ESYT2: variants seen among roughly 807,000 people sequenced by gnomAD.
ESYT2 encodes extended synaptotagmin-2.
Under a neutral mutation model 107.2 loss-of-function variants are expected in ESYT2, and 54 were observed. The ratio of observed to expected loss-of-function variants is 0.50; its 90% CI spans 0.40 to 0.63. The LOEUF is 0.63. ESYT2 is among the 30% of genes least tolerant of loss of function. The probability of loss-of-function intolerance (pLI) is 0.00; values close to 1 mark genes in which losing one functional copy is unlikely to be tolerated. For synonymous variants in ESYT2, 491 were observed against 434.1 expected (o/e 1.13, Z -1.63); for missense variants, 1,020 against 1,094.5 (o/e 0.93, Z 0.96).
intron 11 of ESYT2, among the ~76,000 whole-genome samples, chr7:158,760,535 G>A (rs1293199032): frequency 6.6e-6 from 1 of 152,162 alleles, no homozygotes; most frequent in African/African-American, 2.4e-5. Context: ...GGGTCTTGCT[G>A]TGTTGCCCAG....
chr7:158,751,815 C>T (rs1837595239), intron 14 of ESYT2, among the ~76,000 whole-genome samples: 1 of 152,144 alleles, frequency 6.6e-6, no homozygotes, highest in African/African-American at 2.4e-5. Flanking sequence ...GGGCCTTCAG[C>T]CTTAACGTTA....
chr7:158,769,724 CT>C (rs1838288728), intron 7 of ESYT2, among the ~76,000 whole-genome samples: 2 of 152,140 alleles, frequency 1.3e-5, no homozygotes, highest in South Asian at 4.1e-4. Context: ...CTTAGAGCCG[CT>C]TATTAAAACA....
At chr7:158,757,218 G>A (rs926342799) in intron 13 of ESYT2, among the ~76,000 whole-genome samples, 18 of 152,126 alleles carry the variant, frequency 1.2e-4, no homozygotes, top group African/African-American at 4.3e-4. Context: ...AATCATGCAA[G>A]AAAATAAAAG....
intron 1 of ESYT2, among the ~76,000 whole-genome samples, chr7:158,827,827 A>T (rs1840500798): frequency 6.6e-6 from 1 of 152,192 alleles, no homozygotes; most frequent in Admixed American, 6.5e-5. Context: ...CCCAAAGTTT[A>T]TATTAAGCCT....
chr7:158,748,053 G>A (rs539934599), intron 16 of ESYT2, 141 bp downstream of exon 16: 76 of 700,072 alleles, frequency 1.1e-4, no homozygotes, highest in African/African-American at 6.6e-4. Flanking sequence ...GGGGAGGCCC[G>A]GGTTACAGAG....
At chr7:158,826,878 T>C (rs1840466704) in intron 1 of ESYT2, among the ~76,000 whole-genome samples, 1 of 150,764 alleles carries the variant, frequency 6.6e-6, no homozygotes, top group Non-Finnish European at 1.5e-5. Flanking sequence ...CTGTACAGTC[T>C]GTGTGGCCGG....
At chr7:158,754,402 G>A (rs1272491456) in intron 13 of ESYT2, among the ~76,000 whole-genome samples, 3 of 151,772 alleles carry the variant, frequency 2.0e-5, no homozygotes, top group Non-Finnish European at 4.4e-5. Context: ...TACTAGAGAT[G>A]GCGTTTCACC....
At chr7:158,760,808 T>G (rs1011823292) in intron 11 of ESYT2, among the ~76,000 whole-genome samples, 3 of 152,148 alleles carry the variant, frequency 2.0e-5, no homozygotes, top group African/African-American at 7.2e-5. Flanking sequence ...AAATGCTAAA[T>G]GATAGAAGCC....
chr7:158,788,409 C>G lies in ESYT2; in HGVS notation c.593G>C (p.Gly198Ala). The G allele has an allele frequency of 6.2e-7, 1 of 1,611,214 alleles. No individual in the cohort carries two copies. Among genetic ancestry groups the G allele is most frequent in the Non-Finnish European group, 8.5e-7 (1 of 1,179,018 alleles). The change falls in exon 5 of 23, where the codon GGA becomes GCA. Residue 198 changes from glycine to alanine, a missense_variant. By Grantham distance (60) the Gly-to-Ala change is moderately conservative. Coordinates refer to ENST00000275418, the MANE Select transcript of ESYT2 (RefSeq NM_001367773.1). ...IILDLQISFV[G>A]NCEIDLEIKR... ...GATCTCCAAATCAATCTCACAATTTCCTACAAAACTAACAAAAAATTCTGC... is the reference window on the plus strand; with the variant it reads ...GATCTCCAAATCAATCTCACAATTTGCTACAAAACTAACAAAAAATTCTGC...
At chr7:158,737,896 CATT>C (rs1837024581) in intron 19 of ESYT2, among the ~76,000 whole-genome samples, 1 of 152,176 alleles carries the variant, frequency 6.6e-6, no homozygotes, top group South Asian at 2.1e-4. Flanking sequence ...CCCACAGTAT[CATT>C]GTTAACAAAT....
chr7:158,824,271 T>C (rs1447627427), intron 1 of ESYT2, among the ~76,000 whole-genome samples: 1 of 152,168 alleles, frequency 6.6e-6, no homozygotes, highest in Non-Finnish European at 1.5e-5. Flanking sequence ...CAACACTTCC[T>C]CAACCACATG....
chr7:158,791,047 C>T (rs1839273305), intron 4 of ESYT2, among the ~76,000 whole-genome samples: 2 of 152,152 alleles, frequency 1.3e-5, no homozygotes, highest in Non-Finnish European at 2.9e-5. Flanking sequence ...CATCCGTCTC[C>T]GGACCATTTT....
At chr7:158,824,016 G>A (rs1840366980) in intron 1 of ESYT2, among the ~76,000 whole-genome samples, 3 of 152,062 alleles carry the variant, frequency 2.0e-5, no homozygotes, top group Admixed American at 2.0e-4. Flanking sequence ...ACAACATACA[G>A]GCTGATGGAT....
intron 1 of ESYT2, 101 bp from the exon 2 acceptor site, chr7:158,799,173 C>A: frequency 9.7e-7 from 1 of 1,035,634 alleles, no homozygotes; most frequent in South Asian, 1.4e-5. Flanking sequence ...CCTATGTTTA[C>A]AAGATGCTTC....
intron 16 of ESYT2, 131 bp from the exon 17 acceptor site, chr7:158,743,809 G>A: frequency 1.9e-6 from 2 of 1,054,132 alleles, no homozygotes; most frequent in Non-Finnish European, 2.6e-6. Context: ...GGCCAGGTGG[G>A]GTGGCTCACG....
At chr7:158,782,264 AGT>A (rs1242461719) in intron 6 of ESYT2, among the ~76,000 whole-genome samples, 18 of 146,046 alleles carry the variant, frequency 1.2e-4, no homozygotes, top group African/African-American at 3.3e-4. Flanking sequence ...AACAAGTATG[AGT>A]GTGAGAACAA....
intron 13 of ESYT2, 123 bp from the exon 14 acceptor site, chr7:158,752,966 C>T (rs183994686): frequency 1.0e-3 from 523 of 515,314 alleles, no homozygotes; most frequent in Non-Finnish European, 1.4e-3. Flanking sequence ...ACAAAACCAC[C>T]AGAATTACAC....
chr7:158,812,259 G>T (rs906221727), intron 1 of ESYT2, among the ~76,000 whole-genome samples: 10 of 152,206 alleles, frequency 6.6e-5, no homozygotes, highest in Non-Finnish European at 1.0e-4. Context: ...CGCCGAGACT[G>T]CTAAGTTCTG....
In ESYT2 at chr7:158,748,991, C is replaced by A. The variant is rs985270034; in HGVS notation, c.1557+658G>T. 2.6e-5 allele frequency among the ~76,000 whole-genome samples: 4 copies of A among 152,236 alleles called. No individual in the cohort carries two copies. The South Asian group carries it at 6.2e-4, about 24-fold the overall frequency. ...AACTGTATTGGTTGAATTTTAAGCACTGTTGGTTTTCTTTTAAACTATTTA... is the reference window on the plus strand; with the variant it reads ...AACTGTATTGGTTGAATTTTAAGCAATGTTGGTTTTCTTTTAAACTATTTA... On this transcript the variant is annotated intron_variant, in intron 15 of 22. Coordinates refer to ENST00000275418, the MANE Select transcript of ESYT2 (RefSeq NM_001367773.1).
Sources: gnomAD v4.1 joint callset for allele counts (sites outside exome capture counted in the v4.1 genomes callset) on GRCh38, gnomAD v4.1.1 for gene constraint, MANE v1.5 for transcripts, NCBI Gene and HGNC (gene_info 2026-07-23, HGNC 2026-07-21) for gene names.